UTP6: variants seen among roughly 807,000 people sequenced by gnomAD.
UTP6 encodes UTP6 small subunit processome component.
UTP6 carries 60 observed loss-of-function variants against 96.5 expected under a neutral mutation model. That is an observed-to-expected ratio of 0.62 (90% CI 0.51 to 0.77). UTP6 has a LOEUF of 0.77. Among genes scored for constraint, UTP6 ranks in the 30% least tolerant of loss-of-function variants. The pLI is 0.00. For missense variants in UTP6, 637 were observed against 706.5 expected (o/e 0.90, Z 1.12); for synonymous variants, 215 against 240.1 (o/e 0.90, Z 0.96).
chr17:31,874,107 T>G, intron 14 of UTP6: 1 of 227,054 alleles, frequency 4.4e-6, no homozygotes, highest in South Asian at 6.6e-5. Context: ...CAATCATCTT[T>G]TAGTTAAGTA....
rs1910618086 is a variant in UTP6 at position 31,878,311 on chromosome 17, A to G, written c.1064T>C (p.Met355Thr). The change falls in exon 13 of 19, where the codon ATG (methionine) becomes ACG (threonine). Residue 355 changes from methionine to threonine, a missense_variant. By Grantham distance (81) the Met-to-Thr change is moderately conservative. Transcript: ENST00000261708. The part of the protein sequence containing the change: ...FLRGKRLERT[M>T]TVFRKAHELK... ...TTCATGTGCCTTCCTGAATACAGTCATGGTTCTTTCCAACCTCTGAAAACA... is the reference window on the plus strand; with the variant it reads ...TTCATGTGCCTTCCTGAATACAGTCGTGGTTCTTTCCAACCTCTGAAAACA... 4 of 1,614,076 alleles carry G rather than the reference A, an allele frequency of 2.5e-6. No homozygotes were observed. The highest frequency in any genetic ancestry group is 4.5e-5 in the East Asian group (2 of 44,890).
Position 31,863,286 on chromosome 17 carries a change from T to C in UTP6, c.*73A>G, listed in dbSNP as rs1223045220. 3.3e-6 allele frequency: 5 copies of C among 1,521,860 alleles called. No homozygotes were observed. Among genetic ancestry groups the C allele is most frequent in the Non-Finnish European group, 3.6e-6 (4 of 1,113,446 alleles). 94.3% of individuals were successfully genotyped at this position (1,521,860 alleles called of 1,614,324 possible). A position where few individuals can be genotyped will look rare whatever the true frequency, so the allele number is the denominator to read the frequency against. Reference sequence around the variant, plus strand: ...CTGCCATCACTGAGCAAATTACAGATGGACTCAATACAAATTTGCCCACGG... The same window carrying C: ...CTGCCATCACTGAGCAAATTACAGACGGACTCAATACAAATTTGCCCACGG... On this transcript the variant is annotated 3_prime_UTR_variant, in exon 19 of 19. Transcript: ENST00000261708.
chr17:31,876,034 T>A (rs892835123), intron 13 of UTP6, among the ~76,000 whole-genome samples: 1 of 151,734 alleles, frequency 6.6e-6, no homozygotes, highest in African/African-American at 2.4e-5. Context: ...TTTTTTGTTT[T>A]TCTTTTTCTT....
At chr17:31,875,147 C>T in intron 14 of UTP6, 87 bp downstream of exon 14, 7 of 1,509,236 alleles carry the variant, frequency 4.6e-6, no homozygotes, top group Non-Finnish European at 6.3e-6. Flanking sequence ...AGTTGGCTCT[C>T]AATAGACAAG....
At position 31,875,390 on chromosome 17, in the gene UTP6, G is replaced by T. The variant is rs556567297; in HGVS notation, c.1149C>A (p.Asn383Lys). 6.2e-7 allele frequency: 1 copy of T among 1,614,118 alleles called. No homozygotes were observed. The highest frequency in any genetic ancestry group is 1.1e-5 in the South Asian group (1 of 91,076). ...CCACTTCCAGAGCTTCCCTCAGGAA[G>T]TTATAACACAGCAACGAAACACTCT... is the stretch of plus-strand genomic sequence containing the variant. Reference protein sequence around the residue: ...KQLSVSLLCYNFLREALEVAV... With the variant: ...KQLSVSLLCYKFLREALEVAV... The change falls in exon 14 of 19, where the codon AAC (asparagine) becomes AAA (lysine). Residue 383 changes from asparagine to lysine, a missense_variant. Asn to Lys is a moderately conservative substitution (Grantham distance 94). Coordinates refer to ENST00000261708, the MANE Select transcript of UTP6 (RefSeq NM_018428.3).
intron 13 of UTP6, 140 bp from the exon 14 acceptor site, chr17:31,875,553 G>A: frequency 1.0e-6 from 1 of 999,964 alleles, no homozygotes; most frequent in Non-Finnish European, 1.4e-6. Flanking sequence ...GGCCAGGTGT[G>A]GTGGCTCACA....
chr17:31,881,319 T>C (rs1285227005), intron 10 of UTP6, among the ~76,000 whole-genome samples: 1 of 147,190 alleles, frequency 6.8e-6, no homozygotes, highest in Non-Finnish European at 1.5e-5. Flanking sequence ...AAGGCTGGAG[T>C]GCAGTGGCAC....
intron 14 of UTP6, chr17:31,874,404 G>A (rs1349781419): frequency 1.3e-5 from 2 of 151,924 alleles, no homozygotes; most frequent in East Asian, 3.9e-4. Context: ...AAATTAGCTG[G>A]GCATGGTGGT....
At chr17:31,875,820 CA>C (rs1012799437) in intron 13 of UTP6, among the ~76,000 whole-genome samples, 1,055 of 65,812 alleles carry the variant, frequency 0.016, 4 homozygotes, top group Non-Finnish European at 0.022. Flanking sequence ...AACTCTATCT[CA>C]AAAAAAAAAA....
Position 31,878,703 on chromosome 17 carries a change from T to C in UTP6, c.1046A>G (p.Lys349Arg). The change falls in exon 12 of 19, where the codon AAG (lysine) becomes AGG (arginine). Residue 349 changes from lysine to arginine, a missense_variant and splice_region_variant. Coordinates refer to ENST00000261708, the MANE Select transcript of UTP6 (RefSeq NM_018428.3). ...ACTGTAACCATGTAACAACCTCACC[T>C]TCCCTCTAAGGAACCCACTATTTGA... ...KKSNSGFLRGKRLERTMTVFR... is the reference protein window; with the variant it reads ...KKSNSGFLRGRRLERTMTVFR... 2 of 1,613,976 alleles carry C rather than the reference T, an allele frequency of 1.2e-6. No homozygotes were observed. Among genetic ancestry groups the C allele is most frequent in the Non-Finnish European group, 1.7e-6 (2 of 1,179,916 alleles).
chr17:31,881,857 C>A (rs989910365), intron 10 of UTP6, among the ~76,000 whole-genome samples: 3 of 152,080 alleles, frequency 2.0e-5, no homozygotes, highest in African/African-American at 7.2e-5. Context: ...CCATACCCAG[C>A]TAATTTTGGT....
At position 31,863,525 on chromosome 17, in the gene UTP6, A is replaced by C. The variant is rs781739572; in HGVS notation, c.1637-9T>G. 1 of 1,592,384 alleles carries C rather than the reference A, an allele frequency of 6.3e-7. No individual in the cohort carries two copies. Among genetic ancestry groups the C allele is most frequent in the Admixed American group, 1.8e-5 (1 of 54,472 alleles). On this transcript the variant is annotated splice_polypyrimidine_tract_variant and intron_variant, in intron 18 of 18. Transcript: ENST00000261708. ...ATAATCCATCCAAAGATCTTTTAAA[A>C]AAAAAACATACAATTAGATAACTGA...
chr17:31,865,141 C>T (rs1909741489), intron 18 of UTP6, among the ~76,000 whole-genome samples: 2 of 152,164 alleles, frequency 1.3e-5, no homozygotes, highest in African/African-American at 4.8e-5. Context: ...GCCTCAGCCT[C>T]CCAGGCAGGG....
At chr17:31,882,159 T>A (rs982168917) in intron 10 of UTP6, among the ~76,000 whole-genome samples, 4 of 151,624 alleles carry the variant, frequency 2.6e-5, no homozygotes, top group Admixed American at 2.6e-4. Flanking sequence ...GCCTCCGGAG[T>A]ACCTGGGATT....
At chr17:31,883,723 C>T (rs1440408033) in intron 10 of UTP6, among the ~76,000 whole-genome samples, 1 of 151,924 alleles carries the variant, frequency 6.6e-6, no homozygotes, top group Non-Finnish European at 1.5e-5. Flanking sequence ...GTGACCCAGA[C>T]AGGAGTGGAG....
chr17:31,873,219 A>C (rs1377326964), intron 16 of UTP6, 159 bp downstream of exon 16: 3 of 627,652 alleles, frequency 4.8e-6, no homozygotes, highest in Non-Finnish European at 8.1e-6. Flanking sequence ...GTGCCACTGC[A>C]CTCCAGCCTG....
At chr17:31,885,907 ACTAG>A (rs1911113703) in intron 9 of UTP6, 69 bp downstream of exon 9, 2 of 1,383,886 alleles carry the variant, frequency 1.4e-6, no homozygotes, top group Non-Finnish European at 2.0e-6. Context: ...AAATTTCAAA[ACTAG>A]CTAAAGATCT....
At chr17:31,892,906 C>T in intron 4 of UTP6, 112 bp from the exon 5 acceptor site, 2 of 1,246,572 alleles carry the variant, frequency 1.6e-6, no homozygotes, top group South Asian at 2.6e-5. Flanking sequence ...GATGCGGTGG[C>T]TCACACCTGT....
intron 13 of UTP6, among the ~76,000 whole-genome samples, chr17:31,876,971 C>T (rs931830685): frequency 2.0e-5 from 3 of 152,152 alleles, no homozygotes; most frequent in South Asian, 2.1e-4. Context: ...AAGATCATGC[C>T]ACTACACTCC....
Sources: gnomAD v4.1 joint callset for allele counts (sites outside exome capture counted in the v4.1 genomes callset) on GRCh38, gnomAD v4.1.1 for gene constraint, MANE v1.5 for transcripts, NCBI Gene and HGNC (gene_info 2026-07-23, HGNC 2026-07-21) for gene names.